The following FBN2 variants were observed in gnomAD, a reference collection of about 807,000 sequenced individuals.
The protein encoded by FBN2 is fibrillin-2.
In FBN2, 105 loss-of-function variants were observed where a neutral mutation model predicts 355.6. The observed-to-expected ratio is 0.30, with a 90% confidence interval of 0.25 to 0.35. FBN2 has a LOEUF of 0.35. Ranked by LOEUF, FBN2 falls within the 10% of genes least tolerant of loss-of-function variation. The pLI is 1.00. For synonymous variants in FBN2, 1,350 were observed against 1,301.2 expected (o/e 1.04, Z -0.81); for missense variants, 3,280 against 3,758.7 (o/e 0.87, Z 3.33).
At chr5:128,384,230 C>T (rs978960878) in intron 11 of FBN2, among the ~76,000 whole-genome samples, 2 of 151,904 alleles carry the variant, frequency 1.3e-5, no homozygotes, top group African/African-American at 2.4e-5. Flanking sequence ...AAATTCTACA[C>T]GATGCAAAGT....
At chr5:128,461,306 C>A (rs1401029762) in intron 6 of FBN2, among the ~76,000 whole-genome samples, 1 of 152,128 alleles carries the variant, frequency 6.6e-6, no homozygotes, top group Non-Finnish European at 1.5e-5. Flanking sequence ...CAATGAGATA[C>A]CATCTCACAC....
chr5:128,334,847 A>G lies in FBN2; in HGVS notation c.3974-3T>C. ...ATTTAGGTCACATTCATTGACATCT[A>G]GAAAATTTATTTTCAATATCTTAGT... On this transcript the variant is annotated splice_region_variant and splice_polypyrimidine_tract_variant and intron_variant, in intron 30 of 64. Transcript: ENST00000262464. The G allele has an allele frequency of 1.2e-6, 2 of 1,610,540 alleles. No homozygotes were observed. Among genetic ancestry groups the G allele is most frequent in the South Asian group, 2.2e-5 (2 of 91,028 alleles).
At chr5:128,389,621 G>A (rs1752459219) in intron 11 of FBN2, among the ~76,000 whole-genome samples, 1 of 152,174 alleles carries the variant, frequency 6.6e-6, no homozygotes, top group Admixed American at 6.5e-5. Flanking sequence ...TAGCCACTCT[G>A]GTGCCAAACC....
intron 6 of FBN2, among the ~76,000 whole-genome samples, chr5:128,447,380 C>T (rs555124196): frequency 6.6e-6 from 1 of 152,188 alleles, no homozygotes; most frequent in East Asian, 1.9e-4. Context: ...AGGGGGAGGT[C>T]TCTGAAATGG....
At chr5:128,288,326 C>G (rs1056513941) in intron 53 of FBN2, 112 bp downstream of exon 53, 3 of 1,279,682 alleles carry the variant, frequency 2.3e-6, no homozygotes, top group Middle Eastern at 2.5e-4. Context: ...AACAAAAAAC[C>G]CCACCGTATG....
chr5:128,273,988 C>A lies in FBN2; in HGVS notation c.7712-20G>T. On this transcript the variant is annotated intron_variant, in intron 60 of 64. Transcript: ENST00000262464. ...TGTTGTCTGGCAAAGCATCAAGAAG[C>A]AGAGCGTCAAACTTTCCAATCATAA... 5.0e-6 allele frequency: 8 copies of A among 1,613,706 alleles called. No homozygotes were observed. Among genetic ancestry groups the A allele is most frequent in the Non-Finnish European group, 6.8e-6 (8 of 1,179,754 alleles).
At chr5:128,369,483 A>T in intron 15 of FBN2, 149 bp from the exon 16 acceptor site, 1 of 713,012 alleles carries the variant, frequency 1.4e-6, no homozygotes, top group Non-Finnish European at 2.4e-6. Context: ...AGCATCTAAT[A>T]GTGTTAGGAA....
intron 6 of FBN2, among the ~76,000 whole-genome samples, chr5:128,452,791 A>G (rs1356619544): frequency 2.0e-5 from 3 of 152,142 alleles, no homozygotes; most frequent in Non-Finnish European, 4.4e-5. Context: ...ATATTGCATA[A>G]TGGTAAGGTT....
rs1249650583 is a variant in FBN2, at chr5:128,330,712, T to C, written c.4223-17A>G. 6.2e-7 allele frequency: 1 copy of C among 1,613,486 alleles called. No individual in the cohort carries two copies. Among genetic ancestry groups the C allele is most frequent in the Non-Finnish European group, 8.5e-7 (1 of 1,179,606 alleles). ...CGTCCAGATCTGCAGAACACAGCAA[T>C]AAAGTTCAGAAATGAAAATGGAACA... On this transcript the variant is annotated splice_polypyrimidine_tract_variant and intron_variant, in intron 32 of 64. Transcript: ENST00000262464.
At chr5:128,456,021 A>AAAAAAAAAAC in intron 6 of FBN2, among the ~76,000 whole-genome samples, 1 of 148,968 alleles carries the variant, frequency 6.7e-6, no homozygotes, top group Non-Finnish European at 1.5e-5. Flanking sequence ...AAAAAAAAAA[A>AAAAAAAAAAC]AAGCAACTGC....
At chr5:128,537,275 C>T in intron 1 of FBN2, 75 bp downstream of exon 1, 2 of 1,589,930 alleles carry the variant, frequency 1.3e-6, no homozygotes, top group Non-Finnish European at 1.7e-6. Flanking sequence ...CGGAGTGGGC[C>T]AGAAAGCCGC....
At chr5:128,452,765 G>A (rs1209247832) in intron 6 of FBN2, among the ~76,000 whole-genome samples, 1 of 151,920 alleles carries the variant, frequency 6.6e-6, no homozygotes, top group Admixed American at 6.6e-5. Context: ...TACAGGTGCG[G>A]GTTTGTTATG....
chr5:128,439,600 T>C (rs984053509), intron 7 of FBN2, among the ~76,000 whole-genome samples: 4 of 152,106 alleles, frequency 2.6e-5, no homozygotes, highest in Admixed American at 2.6e-4. Flanking sequence ...TCTTACTGAT[T>C]TGTGGAATCT....
At chr5:128,464,437 TAA>T (rs561213184) in intron 6 of FBN2, among the ~76,000 whole-genome samples, 1 of 152,196 alleles carries the variant, frequency 6.6e-6, no homozygotes, top group Non-Finnish European at 1.5e-5. Flanking sequence ...GCCATCTAGA[TAA>T]AAATAGAGTG....
chr5:128,326,329 G>T lies in FBN2; in HGVS notation c.4471+2367C>A, dbSNP rs1750546245. On this transcript the variant is annotated intron_variant, in intron 34 of 64. Transcript: ENST00000262464. ...ATTGAGAATGGGGAGAGCTCCTCTGGGCTCTATGTTGATGAACTTAGCCTT... is the reference window on the plus strand; with the variant it reads ...ATTGAGAATGGGGAGAGCTCCTCTGTGCTCTATGTTGATGAACTTAGCCTT... Among the ~76,000 whole-genome samples, 7 of 152,086 alleles carry T rather than the reference G, an allele frequency of 4.6e-5. 1 individual carries two copies. In the South Asian group the frequency reaches 1.5e-3, roughly 32 times the overall value.
At chr5:128,396,262 T>G (rs886210645) in intron 8 of FBN2, among the ~76,000 whole-genome samples, 1 of 152,152 alleles carries the variant, frequency 6.6e-6, no homozygotes. Context: ...AAGACAAGGC[T>G]CCTCTTTAAA....
At chr5:128,476,643 T>G (rs566214050) in intron 5 of FBN2, among the ~76,000 whole-genome samples, 9 of 151,460 alleles carry the variant, frequency 5.9e-5, no homozygotes, top group African/African-American at 2.2e-4. Context: ...GAAATACAAG[T>G]CAAATTTGAC....
At chr5:128,531,450 T>C (rs564554100) in intron 2 of FBN2, among the ~76,000 whole-genome samples, 106 of 152,042 alleles carry the variant, frequency 7.0e-4, no homozygotes, top group African/African-American at 2.4e-3. Flanking sequence ...ACTACAAATA[T>C]GGTGCAGTGG....
rs138701298 is a variant in FBN2 at position 128,432,015 on chromosome 5, AATAATGATG to A, written c.952+14457_952+14465del. On this transcript the variant is annotated intron_variant, in intron 7 of 64. Transcript: ENST00000262464. ...CTGCAGATAAGGGGACTACTGTAAT[AATAATGATG>A]ATAATGATAAATCTTACAATAACAT... 7.7e-3 allele frequency among the ~76,000 whole-genome samples: 1,170 copies of A among 152,336 alleles called. 14 individuals are homozygous for A. Among genetic ancestry groups the A allele is most frequent in the African/African-American group, 0.027 (1,119 of 41,556 alleles).
Sources: gnomAD v4.1 joint callset for allele counts (sites outside exome capture counted in the v4.1 genomes callset) on GRCh38, gnomAD v4.1.1 for gene constraint, MANE v1.5 for transcripts, NCBI Gene and HGNC (gene_info 2026-07-23, HGNC 2026-07-21) for gene names.